The following SGK3 variants were observed in gnomAD, a reference collection of about 807,000 sequenced individuals.
SGK3 encodes the protein serum/glucocorticoid regulated kinase family member 3.
Under a neutral mutation model 68.5 loss-of-function variants are expected in SGK3, and 47 were observed. The ratio of observed to expected loss-of-function variants is 0.69; its 90% CI spans 0.54 to 0.87. The LOEUF is 0.87. Ranked by LOEUF, SGK3 falls within the 40% of genes least tolerant of loss-of-function variation. The pLI is 0.00. For missense variants in SGK3, 479 were observed against 575.5 expected (o/e 0.83, Z 1.72); for synonymous variants, 181 against 189.1 (o/e 0.96, Z 0.35).
intron 1 of SGK3, among the ~76,000 whole-genome samples, chr8:66,725,881 G>T (rs1804971409): frequency 6.6e-6 from 1 of 152,202 alleles, no homozygotes; most frequent in African/African-American, 2.4e-5. Context: ...ATACTCAGTT[G>T]TTTCCTAATA....
intron 10 of SGK3, among the ~76,000 whole-genome samples, chr8:66,839,498 G>GATATATATATAT (rs58832541): frequency 7.2e-5 from 3 of 41,566 alleles, no homozygotes; most frequent in Admixed American, 3.3e-4. Context: ...TATGTATGGA[G>GATATATATATAT]ATATATATAT....
intron 6 of SGK3, among the ~76,000 whole-genome samples, chr8:66,827,211 A>T (rs147367775): frequency 6.6e-6 from 1 of 151,286 alleles, no homozygotes; most frequent in African/African-American, 2.4e-5. Context: ...GCGAAACCCT[A>T]TATCTACTAA....
rs149499981 is a variant in SGK3, at chr8:66,838,045, A to G, written c.742-1958A>G. On this transcript the variant is annotated intron_variant, in intron 10 of 16. Coordinates refer to ENST00000521198, the MANE Select transcript of SGK3 (RefSeq NM_001033578.3). Reference sequence around the variant, plus strand: ...GCCCATTTAATTTGCCATGGCATTTATATTAAATGCCATGAAATTTTCTTT... The same window carrying G: ...GCCCATTTAATTTGCCATGGCATTTGTATTAAATGCCATGAAATTTTCTTT... 7.9e-5 allele frequency among the ~76,000 whole-genome samples: 12 copies of G among 152,260 alleles called. No homozygotes were observed. In the East Asian group the frequency reaches 2.3e-3, roughly 29 times the overall value.
intron 7 of SGK3, among the ~76,000 whole-genome samples, chr8:66,829,030 A>G (rs997154040): frequency 6.6e-6 from 1 of 151,112 alleles, no homozygotes. Flanking sequence ...TTCCCAAGGG[A>G]CCACAAGTCC....
At chr8:66,767,767 G>A (rs1806367105) in intron 1 of SGK3, 1 of 1,577,174 alleles carries the variant, frequency 6.3e-7, no homozygotes, top group Non-Finnish European at 8.7e-7. Flanking sequence ...TTGTTTGAGG[G>A]GTCCATTGGT....
intron 1 of SGK3, among the ~76,000 whole-genome samples, chr8:66,780,636 G>C (rs1806934234): frequency 1.3e-5 from 2 of 152,160 alleles, no homozygotes; most frequent in Admixed American, 1.3e-4. Flanking sequence ...ATAGGAAGGA[G>C]TTTGTTCTGG....
intron 1 of SGK3, among the ~76,000 whole-genome samples, chr8:66,774,676 T>G (rs1342232359): frequency 6.6e-6 from 1 of 152,146 alleles, no homozygotes; most frequent in Non-Finnish European, 1.5e-5. Flanking sequence ...ATTAACAATT[T>G]AAGCTCGGGG....
chr8:66,747,681 C>T (rs1484092134), intron 1 of SGK3, among the ~76,000 whole-genome samples: 1 of 152,142 alleles, frequency 6.6e-6, no homozygotes, highest in Non-Finnish European at 1.5e-5. Flanking sequence ...TCCCAGCCTC[C>T]TGAGTAGCTG....
intron 1 of SGK3, among the ~76,000 whole-genome samples, chr8:66,719,090 G>A (rs144739365): frequency 6.6e-6 from 1 of 152,076 alleles, no homozygotes; most frequent in Non-Finnish European, 1.5e-5. Flanking sequence ...CAATAAAAAA[G>A]TATGTATGCT....
intron 16 of SGK3, among the ~76,000 whole-genome samples, chr8:66,855,276 C>T (rs1032093709): frequency 1.3e-5 from 2 of 152,164 alleles, no homozygotes; most frequent in African/African-American, 2.4e-5. Context: ...AATCTCGGCT[C>T]ACTGAAACCT....
chr8:66,849,235 AT>A (rs1404336950), intron 15 of SGK3, among the ~76,000 whole-genome samples: 2 of 152,202 alleles, frequency 1.3e-5, no homozygotes, highest in Non-Finnish European at 2.9e-5. Flanking sequence ...CTTACATAGT[AT>A]CTGCCTGCTC....
chr8:66,829,575 G>A (rs2130693243), intron 7 of SGK3, among the ~76,000 whole-genome samples: 1 of 152,290 alleles, frequency 6.6e-6, no homozygotes, highest in South Asian at 2.1e-4. Context: ...GTTGCTGATA[G>A]GGCAAGTAAG....
At chr8:66,844,611 G>A (rs1312324542) in intron 14 of SGK3, among the ~76,000 whole-genome samples, 1 of 152,146 alleles carries the variant, frequency 6.6e-6, no homozygotes, top group Non-Finnish European at 1.5e-5. Flanking sequence ...GACTCCCTTT[G>A]TGGTCCCCTA....
At position 66,847,320 on chromosome 8, in the gene SGK3, A is replaced by G; in HGVS notation, c.1202A>G (p.Gln401Arg). The change falls in exon 15 of 17, where the codon CAA becomes CGA. Residue 401 changes from glutamine to arginine, a missense_variant. Around this residue, in one of 3 missense-constraint regions of SGK3, gnomAD observed 173 missense variants for 214.3 expected, o/e 0.81. Coordinates refer to ENST00000521198, the MANE Select transcript of SGK3 (RefSeq NM_001033578.3). ...GAAGAACTCCTAGAAAAAGACAGGC[A>G]AAATCGACTTGGTGCCAAGGAAGAC... ...ILEELLEKDR[Q>R]NRLGAKEDFL... The G allele has an allele frequency of 2.5e-6, 4 of 1,614,046 alleles. No homozygotes were observed. The highest frequency in any genetic ancestry group is 3.4e-6 in the Non-Finnish European group (4 of 1,179,998).
At chr8:66,844,102 C>A (rs914356122) in intron 14 of SGK3, among the ~76,000 whole-genome samples, 3 of 151,738 alleles carry the variant, frequency 2.0e-5, no homozygotes, top group African/African-American at 7.3e-5. Context: ...TGTTCTTACC[C>A]CCTTGGCATT....
chr8:66,816,789 T>A (rs930937984), intron 5 of SGK3, among the ~76,000 whole-genome samples: 28 of 152,182 alleles, frequency 1.8e-4, no homozygotes, highest in African/African-American at 6.0e-4. Flanking sequence ...CTTGAGCACC[T>A]CCTATATACC....
At chr8:66,828,016 C>T (rs1258444193) in intron 6 of SGK3, among the ~76,000 whole-genome samples, 4 of 151,538 alleles carry the variant, frequency 2.6e-5, no homozygotes, top group African/African-American at 7.3e-5. Flanking sequence ...TCCAGCTATT[C>T]GGGAGGCTGA....
At chr8:66,767,675 A>G in intron 1 of SGK3, 1 of 1,402,198 alleles carries the variant, frequency 7.1e-7, no homozygotes, top group Non-Finnish European at 1.0e-6. Context: ...ATTTCTGGAT[A>G]GCCATCATCT....
chr8:66,858,651 C>G (rs1037976140), intron 16 of SGK3, among the ~76,000 whole-genome samples: 29 of 152,178 alleles, frequency 1.9e-4, no homozygotes, highest in Non-Finnish European at 3.1e-4. Flanking sequence ...TCCCCCAACT[C>G]AAAAAGAACC....
Sources: allele counts gnomAD v4.1 joint callset (sites outside exome capture counted in the v4.1 genomes callset), GRCh38; gene constraint gnomAD v4.1.1; regional missense constraint gnomAD v4.1.1; transcripts MANE v1.5; gene names NCBI Gene and HGNC (gene_info 2026-07-23, HGNC 2026-07-21).